The following HDDC2 variants were observed in gnomAD, a reference collection of about 807,000 sequenced individuals.
HDDC2 encodes HD domain containing 2.
Under a neutral mutation model 25.5 loss-of-function variants are expected in HDDC2, and 25 were observed. That is an observed-to-expected ratio of 0.98 (90% CI 0.72 to 1.37). HDDC2 has a LOEUF of 1.37. Ranked by LOEUF, HDDC2 falls within the 40% of genes most tolerant of loss-of-function variation. The probability of loss-of-function intolerance (pLI) is 0.00; values close to 1 mark genes in which losing one functional copy is unlikely to be tolerated. For synonymous variants in HDDC2, 106 were observed against 89.7 expected, an observed-to-expected ratio of 1.18 and a Z score of -1.03; for missense variants, 264 against 253.1, an observed-to-expected ratio of 1.04 and a Z score of -0.29.
chr6:125,292,833 A>G lies in HDDC2; in HGVS notation c.378+8T>C. ...AATTAAAAACAGTAACGTACCATATATACTTACTTCCCAAAGTTCATAGAG... is the reference window on the plus strand; with the variant it reads ...AATTAAAAACAGTAACGTACCATATGTACTTACTTCCCAAAGTTCATAGAG... On this transcript the variant is annotated splice_region_variant and intron_variant, in intron 4 of 5. Coordinates refer to ENST00000398153, the MANE Select transcript of HDDC2 (RefSeq NM_016063.3). 1 of 1,604,192 alleles carries G rather than the reference A, an allele frequency of 6.2e-7. No homozygotes were observed. The highest frequency in any genetic ancestry group is 1.1e-5 in the South Asian group (1 of 90,830).
At chr6:125,284,311 AT>A (rs1798501411) in intron 4 of HDDC2, among the ~76,000 whole-genome samples, 2 of 152,202 alleles carry the variant, frequency 1.3e-5, no homozygotes, top group African/African-American at 4.8e-5. Flanking sequence ...AAATTGACAA[AT>A]GGGATCTAAT....
At chr6:125,285,669 T>C (rs1460021699) in intron 4 of HDDC2, among the ~76,000 whole-genome samples, 1 of 152,050 alleles carries the variant, frequency 6.6e-6, no homozygotes, top group Non-Finnish European at 1.5e-5. Context: ...ATTCAGAGTA[T>C]ATATTGAAAA....
At chr6:125,276,717 C>A in intron 5 of HDDC2, 1 of 264,322 alleles carries the variant, frequency 3.8e-6, no homozygotes, top group South Asian at 6.5e-5. Flanking sequence ...TTGTAAACAC[C>A]TCTACACTTC....
chr6:125,280,309 G>A (rs1009131479), intron 4 of HDDC2, among the ~76,000 whole-genome samples: 2 of 152,206 alleles, frequency 1.3e-5, no homozygotes, highest in Admixed American at 6.5e-5. Flanking sequence ...ACAAAACTGG[G>A]CAGCCGTTTG....
At position 125,294,654 on chromosome 6, in the gene HDDC2, T is replaced by C. The variant is rs200450357; in HGVS notation, c.310-1745A>G. Among the ~76,000 whole-genome samples the C allele has an allele frequency of 3.9e-5, 6 of 152,356 alleles. No individual in the cohort carries two copies. The South Asian group carries it at 6.2e-4, about 16-fold the overall frequency. ...TACAGGTATATGAACATCTCAACTG[T>C]AGAATGCAAACATGAAAGTCCTGCT... On this transcript the variant is annotated intron_variant, in intron 3 of 5. Transcript: ENST00000398153.
At chr6:125,301,482 G>GCACACACACGCGCGCGCACGCA (rs1412473241) in intron 1 of HDDC2, among the ~76,000 whole-genome samples, 1 of 120,344 alleles carries the variant, frequency 8.3e-6, no homozygotes, top group African/African-American at 3.4e-5. Context: ...GGGGTCGTGA[G>GCACACACACGCGCGCGCACGCA]CACACACACA....
chr6:125,295,914 T>C (rs1798700007), intron 3 of HDDC2, among the ~76,000 whole-genome samples: 1 of 152,194 alleles, frequency 6.6e-6, no homozygotes, highest in Admixed American at 6.5e-5. Flanking sequence ...ATCAAGTGTA[T>C]GTTAATATGT....
At chr6:125,276,418 G>C (rs1422558603) in intron 5 of HDDC2, 175 bp from the exon 6 acceptor site, 3 of 590,352 alleles carry the variant, frequency 5.1e-6, no homozygotes, top group East Asian at 2.8e-5. Flanking sequence ...GGGACCACTT[G>C]GCATTTACGC....
chr6:125,277,124 T>G lies in HDDC2; in HGVS notation c.495A>C (p.Gln165His). 1 of 1,614,166 alleles carries G rather than the reference T, an allele frequency of 6.2e-7. No individual in the cohort carries two copies. Among genetic ancestry groups the G allele is most frequent in the Non-Finnish European group, 8.5e-7 (1 of 1,180,004 alleles). ...EDLEHKPGRL[Q>H]DFYDSTAGKF... ...TACCTGCTGTGGAATCATAGAAGTCTTGCAGTCTCCCAGGTTTGTGTTCAA... is the reference window on the plus strand; with the variant it reads ...TACCTGCTGTGGAATCATAGAAGTCGTGCAGTCTCCCAGGTTTGTGTTCAA... The change falls in exon 5 of 6, where the codon CAA becomes CAC. Residue 165 changes from glutamine to histidine, a missense_variant. By Grantham distance (24) the Gln-to-His change is conservative (BLOSUM62 0). Coordinates refer to ENST00000398153, the MANE Select transcript of HDDC2 (RefSeq NM_016063.3).
chr6:125,301,828 C>A (rs1427567087), intron 1 of HDDC2, 21 bp downstream of exon 1: 3 of 1,532,980 alleles, frequency 2.0e-6, no homozygotes, highest in African/African-American at 2.8e-5. Flanking sequence ...GCCGCGGCCT[C>A]CCGGCCTGGT....
chr6:125,301,482 G>GCACACACACGCGCGCA lies in HDDC2; in HGVS notation c.84+366_84+367insTGCGCGCGTGTGTGTG, dbSNP rs1412473241. On this transcript the variant is annotated intron_variant, in intron 1 of 5. Transcript: ENST00000398153. Reference sequence around the variant, plus strand: ...ACACACACGAGTTCTGGGGTCGTGAGCACACACACACACACACACACACAC... The same window carrying GCACACACACGCGCGCA: ...ACACACACGAGTTCTGGGGTCGTGAGCACACACACGCGCGCACACACACACACACACACACACACAC... Among the ~76,000 whole-genome samples, 21 of 120,420 alleles carry GCACACACACGCGCGCA rather than the reference G, an allele frequency of 1.7e-4. 1 individual carries two copies. Among genetic ancestry groups the GCACACACACGCGCGCA allele is most frequent in the African/African-American group, 7.1e-4 (21 of 29,730 alleles). 79.0% of individuals were successfully genotyped at this position (120,420 alleles called of 152,430 possible). A position where few individuals can be genotyped will look rare whatever the true frequency, so the allele number is the denominator to read the frequency against.
intron 2 of HDDC2, chr6:125,300,286 C>A: frequency 2.3e-6 from 1 of 442,266 alleles, no homozygotes; most frequent in Non-Finnish European, 4.0e-6. Flanking sequence ...CCTTCAAGGC[C>A]CCAATATCAC....
intron 3 of HDDC2, among the ~76,000 whole-genome samples, chr6:125,293,495 C>G (rs1184517610): frequency 1.3e-5 from 2 of 152,148 alleles, no homozygotes; most frequent in Non-Finnish European, 2.9e-5. Flanking sequence ...GGATATTAAA[C>G]GGCAATTAGC....
chr6:125,293,261 C>T, intron 3 of HDDC2: 1 of 351,972 alleles, frequency 2.8e-6, no homozygotes, highest in Non-Finnish European at 5.5e-6. Context: ...ACATACATTT[C>T]AATCATAAGC....
At chr6:125,289,519 A>AC (rs1562443136) in intron 4 of HDDC2, among the ~76,000 whole-genome samples, 2 of 100,564 alleles carry the variant, frequency 2.0e-5, no homozygotes, top group African/African-American at 1.1e-4. Context: ...ACAAAACAAA[A>AC]AAAACAAAAA....
At chr6:125,283,237 T>A (rs751619709) in intron 4 of HDDC2, among the ~76,000 whole-genome samples, 2 of 152,166 alleles carry the variant, frequency 1.3e-5, no homozygotes, top group Non-Finnish European at 2.9e-5. Flanking sequence ...CTGGAATCAT[T>A]CCCTTTGAAA....
intron 4 of HDDC2, among the ~76,000 whole-genome samples, chr6:125,283,943 G>A (rs1798495835): frequency 6.6e-6 from 1 of 152,074 alleles, no homozygotes; most frequent in East Asian, 1.9e-4. Context: ...AACCAAAACA[G>A]CATGGTACTG....
intron 4 of HDDC2, among the ~76,000 whole-genome samples, chr6:125,289,910 A>G (rs1798605714): frequency 6.6e-6 from 1 of 152,260 alleles, no homozygotes; most frequent in African/African-American, 2.4e-5. Flanking sequence ...GTGGTGGAGA[A>G]GACATCTTTC....
intron 4 of HDDC2, among the ~76,000 whole-genome samples, chr6:125,280,908 G>A (rs1798448798): frequency 6.6e-6 from 1 of 152,206 alleles, no homozygotes; most frequent in South Asian, 2.1e-4. Flanking sequence ...CTTCCTGACT[G>A]GGAGACACCT....
Sources: gnomAD v4.1 joint callset for allele counts (sites outside exome capture counted in the v4.1 genomes callset) on GRCh38, gnomAD v4.1.1 for gene constraint, MANE v1.5 for transcripts, NCBI Gene and HGNC (gene_info 2026-07-23, HGNC 2026-07-21) for gene names.